Variants in DGKD observed in about 807,000 individuals in gnomAD.
DGKD encodes the protein diacylglycerol kinase delta.
Under a neutral mutation model 154.4 loss-of-function variants are expected in DGKD, and 68 were observed. The observed-to-expected ratio is 0.44, with a 90% CI of 0.36 to 0.54. DGKD has a LOEUF of 0.54. DGKD is among the 20% of genes least tolerant of loss of function. DGKD has a pLI of 0.00. For missense variants in DGKD, 1,343 were observed against 1,593.6 expected (o/e 0.84, Z 2.68); for synonymous variants, 693 against 638.0 (o/e 1.09, Z -1.30).
At chr2:233,380,332 CAG>C (rs111591060) in intron 1 of DGKD, among the ~76,000 whole-genome samples, 1 of 152,298 alleles carries the variant, frequency 6.6e-6, no homozygotes, top group African/African-American at 2.4e-5. Flanking sequence ...GTGATGCTGA[CAG>C]AGCGGGAGTG....
At chr2:233,429,016 C>A (rs2062415621) in intron 3 of DGKD, 1 of 623,944 alleles carries the variant, frequency 1.6e-6, no homozygotes, top group Non-Finnish European at 2.0e-6. Context: ...TGTATCTTAA[C>A]TCACTGTCTT....
chr2:233,431,128 G>A (rs1024926259), intron 3 of DGKD, among the ~76,000 whole-genome samples: 3 of 152,194 alleles, frequency 2.0e-5, no homozygotes, highest in African/African-American at 7.2e-5. Flanking sequence ...ATTCAGTAGA[G>A]TTGCAGGATC....
intron 29 of DGKD, 127 bp from the exon 30 acceptor site, chr2:233,469,244 T>A: frequency 1.3e-6 from 1 of 747,790 alleles, no homozygotes; most frequent in Non-Finnish European, 2.3e-6. Flanking sequence ...TTTTACCGTT[T>A]TTGTCATTTT....
intron 1 of DGKD, among the ~76,000 whole-genome samples, chr2:233,357,839 A>G (rs991177635): frequency 2.0e-5 from 3 of 152,152 alleles, no homozygotes; most frequent in Non-Finnish European, 2.9e-5. Context: ...ACCTGGCAGA[A>G]TATGCATTTC....
chr2:233,441,509 A>G lies in DGKD; in HGVS notation c.1086-378A>G, dbSNP rs1260468501. Among the ~76,000 whole-genome samples the G allele has an allele frequency of 6.6e-6, 1 of 152,180 alleles. No homozygotes were observed. The highest frequency in any genetic ancestry group is 1.5e-5 in the Non-Finnish European group (1 of 68,008). On this transcript the variant is annotated intron_variant, in intron 9 of 29. Coordinates refer to ENST00000264057, the MANE Select transcript of DGKD (RefSeq NM_152879.3). The surrounding 1 kb of genome is among the most constrained non-coding windows in gnomAD (Gnocchi z 5.6). ...ACATGTGGATGGGGCAGGGACAGTG[A>G]CGCAGGGTGGGCTCACATGGTTAGG... is the stretch of plus-strand genomic sequence containing the variant.
At chr2:233,432,715 A>G (rs1486493686) in intron 3 of DGKD, among the ~76,000 whole-genome samples, 1 of 152,194 alleles carries the variant, frequency 6.6e-6, no homozygotes, top group African/African-American at 2.4e-5. Flanking sequence ...ACAAGGGATT[A>G]TAACCAGAAT....
At chr2:233,385,181 G>C (rs553111885) in intron 1 of DGKD, among the ~76,000 whole-genome samples, 5 of 152,276 alleles carry the variant, frequency 3.3e-5, no homozygotes, top group African/African-American at 1.2e-4. Context: ...TCTCAGAGCT[G>C]TCTTACTGTT....
intron 7 of DGKD, among the ~76,000 whole-genome samples, chr2:233,437,043 C>T (rs1274357910): frequency 6.6e-6 from 1 of 152,218 alleles, no homozygotes; most frequent in Non-Finnish European, 1.5e-5. Flanking sequence ...CATAGAGGCA[C>T]ATGGCCCCAG....
Position 233,459,730 on chromosome 2 carries a change from T to C in DGKD, c.2695-27T>C, listed in dbSNP as rs2063564381. The C allele has an allele frequency of 6.2e-7, 1 of 1,608,894 alleles. No individual in the cohort carries two copies. The highest frequency in any genetic ancestry group is 8.5e-7 in the Non-Finnish European group (1 of 1,177,176). On this transcript the variant is annotated intron_variant, in intron 22 of 29. Coordinates refer to ENST00000264057, the MANE Select transcript of DGKD (RefSeq NM_152879.3). The surrounding 1 kb of genome is among the most constrained non-coding windows in gnomAD (Gnocchi z 5.7). The stretch of plus-strand genomic sequence containing the variant: ...AACCCCTGGGGGTTTTGGCTCAGCA[T>C]GAGTAATGGCTATGATGTCTGCTCA...
intron 3 of DGKD, chr2:233,419,383 G>T: frequency 1.0e-6 from 1 of 985,440 alleles, no homozygotes; most frequent in Non-Finnish European, 1.2e-6. Flanking sequence ...TGATACACGT[G>T]GAGCAGCTGG....
At chr2:233,447,598 C>T (rs145966524) in intron 12 of DGKD, 35,258 of 986,268 alleles carry the variant, frequency 0.036, 721 homozygotes, top group Non-Finnish European at 0.04. Flanking sequence ...GTGAAGTTTG[C>T]GACCCTGGGG....
At position 233,414,200 on chromosome 2, in the gene DGKD, T is replaced by A. The variant is rs2061899974; in HGVS notation, c.349-20180T>A. Among the ~76,000 whole-genome samples the A allele has an allele frequency of 2.0e-5, 3 of 152,170 alleles. No homozygotes were observed. In the South Asian group the frequency reaches 6.2e-4, roughly 32 times the overall value. ...AACAGGGTAGTTTGGACTGGGCCTC[T>A]CTCTTTCAGGACATGACTGCTGTGG... On this transcript the variant is annotated intron_variant, in intron 3 of 29. Coordinates refer to ENST00000264057, the MANE Select transcript of DGKD (RefSeq NM_152879.3).
At chr2:233,421,324 T>C (rs2062106728) in intron 3 of DGKD, among the ~76,000 whole-genome samples, 1 of 152,078 alleles carries the variant, frequency 6.6e-6, no homozygotes. Flanking sequence ...CCGTCTGCTG[T>C]CCTCAGAGCA....
At chr2:233,391,025 G>A (rs559423825) in intron 3 of DGKD, among the ~76,000 whole-genome samples, 6 of 152,282 alleles carry the variant, frequency 3.9e-5, no homozygotes, top group East Asian at 1.9e-4. Context: ...GAGCCACCAC[G>A]CTTTGCTGGT....
At chr2:233,454,676 A>C in intron 18 of DGKD, 87 bp from the exon 19 acceptor site, 3 of 772,184 alleles carry the variant, frequency 3.9e-6, no homozygotes, top group Non-Finnish European at 6.6e-6. Context: ...AGTTTTCCCC[A>C]AGGAAGAGAA....
Position 233,438,486 on chromosome 2 carries a change from A to G in DGKD, c.1085+107A>G. On this transcript the variant is annotated intron_variant, in intron 9 of 29. Transcript: ENST00000264057. The surrounding 1 kb of genome is among the most constrained non-coding windows in gnomAD (Gnocchi z 4.1). ...AAAGACACAAAGCTTTAAATAGGAAAGAAAAGTTGAACTGCTTCCTTCCCA... is the reference window on the plus strand; with the variant it reads ...AAAGACACAAAGCTTTAAATAGGAAGGAAAAGTTGAACTGCTTCCTTCCCA... 1.5e-6 allele frequency: 2 copies of G among 1,352,756 alleles called. No individual in the cohort carries two copies. Among genetic ancestry groups the G allele is most frequent in the Non-Finnish European group, 2.0e-6 (2 of 1,002,406 alleles). The allele number at this position is 1,352,756 out of a possible 1,614,324, so 83.8% of individuals were successfully genotyped here.
intron 1 of DGKD, among the ~76,000 whole-genome samples, chr2:233,387,043 C>A (rs991062381): frequency 4.6e-5 from 7 of 152,200 alleles, no homozygotes; most frequent in African/African-American, 1.4e-4. Context: ...CTTCCCTGTT[C>A]CACTGTCTCT....
At position 233,458,221 on chromosome 2, in the gene DGKD, G is replaced by A; in HGVS notation, c.2581-63G>A. The A allele has an allele frequency of 1.8e-6, 2 of 1,111,394 alleles. No individual in the cohort carries two copies. The highest frequency in any genetic ancestry group is 1.3e-6 in the Non-Finnish European group (1 of 742,094). 68.8% of individuals were successfully genotyped at this position (1,111,394 alleles called of 1,614,324 possible). ...TGACCCCCAGAGGGAGGGAGTGAGG[G>A]TAGGGGCGGCCTGTGCTCGGGGATG... On this transcript the variant is annotated intron_variant, in intron 21 of 29. Transcript: ENST00000264057. The surrounding 1 kb of genome is among the most constrained non-coding windows in gnomAD (Gnocchi z 6.6).
At chr2:233,385,846 A>G (rs1703142145) in intron 1 of DGKD, 1 of 424,752 alleles carries the variant, frequency 2.4e-6, no homozygotes, top group Admixed American at 2.8e-5. Context: ...GCTTCAAAGA[A>G]ATAATGGTCT....
Sources: gnomAD v4.1 joint callset for allele counts (sites outside exome capture counted in the v4.1 genomes callset) on GRCh38, gnomAD v4.1.1 for gene constraint, Gnocchi (gnomAD v3.1) non-coding constraint, MANE v1.5 for transcripts, NCBI Gene and HGNC (gene_info 2026-07-23, HGNC 2026-07-21) for gene names.